RAD51B: variants seen among roughly 807,000 people sequenced by gnomAD.
The protein encoded by RAD51B is DNA repair protein RAD51 homolog 2.
In RAD51B, 38 loss-of-function variants were observed where a neutral mutation model predicts 42.2. That is an observed-to-expected ratio of 0.90 (90% confidence interval 0.70 to 1.18). The LOEUF is 1.18. RAD51B is among the 50% of genes most tolerant of loss of function. The pLI, the probability that RAD51B is intolerant of heterozygous loss-of-function variation, is 0.00. For missense variants in RAD51B, 373 were observed against 400.7 expected (o/e 0.93, Z 0.59); for synonymous variants, 154 against 145.2 (o/e 1.06, Z -0.43).
At chr14:68,572,315 C>T (rs1889748203) in intron 10 of RAD51B, among the ~76,000 whole-genome samples, 1 of 152,284 alleles carries the variant, frequency 6.6e-6, no homozygotes, top group East Asian at 1.9e-4. Flanking sequence ...GGCATGGGCC[C>T]TGCCCAGCTG....
Position 68,458,506 on chromosome 14 carries a change from C to T in RAD51B, c.958-9666C>T, listed in dbSNP as rs536457653. ...CTAGCTCTTTTCTAGGCAATACTTT[C>T]TTATACTTTGGGAACTTGATGTGTT... On this transcript the variant is annotated intron_variant, in intron 9 of 10. Coordinates refer to ENST00000471583, the MANE Select transcript of RAD51B (RefSeq NM_133510.4). Among the ~76,000 whole-genome samples the T allele has an allele frequency of 1.9e-3, 296 of 152,086 alleles. 2 individuals are homozygous for T. Among genetic ancestry groups the T allele is most frequent in the Middle Eastern group, 3.4e-3 (1 of 292 alleles).
At chr14:67,909,408 C>T (rs1470806818) in intron 7 of RAD51B, among the ~76,000 whole-genome samples, 1 of 152,114 alleles carries the variant, frequency 6.6e-6, no homozygotes, top group Non-Finnish European at 1.5e-5. Context: ...AAATTAGTAC[C>T]AGCCTTTTGG....
Position 68,176,079 on chromosome 14 carries a change from G to A in RAD51B, c.757-115805G>A, listed in dbSNP as rs1488942307. On this transcript the variant is annotated intron_variant, in intron 7 of 10. Transcript: ENST00000471583. ...AGGCAGGATCCTCCTGCTGAGCCTGGACTCCATTTGGATGCTGTGTTCGTT... is the reference window on the plus strand; with the variant it reads ...AGGCAGGATCCTCCTGCTGAGCCTGAACTCCATTTGGATGCTGTGTTCGTT... Among the ~76,000 whole-genome samples the A allele has an allele frequency of 3.9e-5, 6 of 152,310 alleles. No homozygotes were observed. In the South Asian group the frequency reaches 6.2e-4, roughly 16 times the overall value.
At chr14:68,528,471 G>A (rs1455921490) in intron 10 of RAD51B, among the ~76,000 whole-genome samples, 1 of 152,118 alleles carries the variant, frequency 6.6e-6, no homozygotes, top group Non-Finnish European at 1.5e-5. Context: ...AAATCATAAA[G>A]TATAAATAAA....
At chr14:67,942,454 A>G (rs2045242033) in intron 7 of RAD51B, among the ~76,000 whole-genome samples, 1 of 152,238 alleles carries the variant, frequency 6.6e-6, no homozygotes, top group Non-Finnish European at 1.5e-5. Context: ...AACCCTAAGG[A>G]TTGATACCAA....
intron 7 of RAD51B, among the ~76,000 whole-genome samples, chr14:68,102,850 A>G (rs561718231): frequency 1.3e-3 from 200 of 152,274 alleles, no homozygotes; most frequent in Admixed American, 2.1e-3. Flanking sequence ...CACACCCAAG[A>G]GTGGGTAATT....
intron 7 of RAD51B, among the ~76,000 whole-genome samples, chr14:68,008,090 A>G (rs1256190805): frequency 2.6e-5 from 4 of 151,926 alleles, no homozygotes; most frequent in Non-Finnish European, 1.5e-5. Context: ...ATAAAATTAT[A>G]TAGAATATGT....
At position 68,344,186 on chromosome 14, in the gene RAD51B, G is replaced by A. The variant is rs374468812; in HGVS notation, c.853+52206G>A. Among the ~76,000 whole-genome samples the A allele has an allele frequency of 3.0e-4, 45 of 152,290 alleles. No homozygotes were observed. The East Asian group carries it at 6.6e-3, about 22-fold the overall frequency. ...CACGTCCCAGAATGGTAGAGCCATG[G>A]GCAGCTTGTATCCTGAGCTTGGAAA... On this transcript the variant is annotated intron_variant, in intron 8 of 10. Coordinates refer to ENST00000471583, the MANE Select transcript of RAD51B (RefSeq NM_133510.4).
chr14:67,828,885 A>G (rs925953667), intron 3 of RAD51B, among the ~76,000 whole-genome samples: 5 of 152,134 alleles, frequency 3.3e-5, no homozygotes, highest in Admixed American at 2.0e-4. Flanking sequence ...TGGTTACTAG[A>G]GTCTTGTAGT....
At chr14:68,428,749 A>G (rs1301113461) in intron 9 of RAD51B, among the ~76,000 whole-genome samples, 1 of 48,678 alleles carries the variant, frequency 2.1e-5, no homozygotes, top group East Asian at 9.1e-4. Context: ...ATATATATAT[A>G]TATATATATA....
At chr14:67,898,048 A>G (rs2043482846) in intron 7 of RAD51B, among the ~76,000 whole-genome samples, 1 of 152,184 alleles carries the variant, frequency 6.6e-6, no homozygotes, top group African/African-American at 2.4e-5. Context: ...GGACTACCAT[A>G]TGATCCAGCA....
chr14:68,345,182 T>C (rs2082654001), intron 8 of RAD51B, among the ~76,000 whole-genome samples: 1 of 152,130 alleles, frequency 6.6e-6, no homozygotes, highest in South Asian at 2.1e-4. Flanking sequence ...CTTGGGACTT[T>C]TGATTGAGTT....
rs1354608332 is a variant in RAD51B, at chr14:67,893,499, CACACACACACAAA to C, written c.756+6297_756+6309del. On this transcript the variant is annotated intron_variant, in intron 7 of 10. Transcript: ENST00000471583. Reference sequence around the variant, plus strand: ...ACACACACACACACACACACACACACACACACACACAAAAAAAAACAATTAGCTGGGTGTGGTG... The same window carrying C: ...ACACACACACACACACACACACACACAAAAAACAATTAGCTGGGTGTGGTG... 1.9e-4 allele frequency among the ~76,000 whole-genome samples: 16 copies of C among 82,484 alleles called. 1 individual carries two copies. Among genetic ancestry groups the C allele is most frequent in the African/African-American group, 8.7e-4 (15 of 17,170 alleles). 54.1% of individuals were successfully genotyped at this position (82,484 alleles called of 152,430 possible). A position where few individuals can be genotyped will look rare whatever the true frequency, so the allele number is the denominator to read the frequency against.
chr14:68,048,673 A>G (rs1336080073), intron 7 of RAD51B, among the ~76,000 whole-genome samples: 1 of 152,228 alleles, frequency 6.6e-6, no homozygotes. Flanking sequence ...ATCTCACACC[A>G]GTTAGAATGG....
intron 7 of RAD51B, among the ~76,000 whole-genome samples, chr14:67,904,293 C>T (rs1049586709): frequency 2.0e-5 from 3 of 151,950 alleles, no homozygotes; most frequent in African/African-American, 7.3e-5. Flanking sequence ...CTAGGTTGAA[C>T]GATAGTTCTA....
rs192045417 is a variant in RAD51B at position 68,134,991 on chromosome 14, G to A, written c.757-156893G>A. On this transcript the variant is annotated intron_variant, in intron 7 of 10. Coordinates refer to ENST00000471583, the MANE Select transcript of RAD51B (RefSeq NM_133510.4). ...TTTTAAGGAATGAAGTATACATTTT[G>A]CATACTTTTTATTGATCTTAAGAAT... Among the ~76,000 whole-genome samples, 47 of 152,150 alleles carry A rather than the reference G, an allele frequency of 3.1e-4. No homozygotes were observed. The East Asian group carries it at 7.3e-3, about 24-fold the overall frequency.
At chr14:68,241,353 T>C (rs2080381491) in intron 7 of RAD51B, among the ~76,000 whole-genome samples, 2 of 152,150 alleles carry the variant, frequency 1.3e-5, no homozygotes, top group African/African-American at 2.4e-5. Flanking sequence ...CCATCCTGGC[T>C]AACATGGTGG....
chr14:67,980,146 C>T lies in RAD51B; in HGVS notation c.756+92942C>T, dbSNP rs1464417911. ...GCATCTTATGCCAAAAAAAAAATAT[C>T]GTAAAGAGGAAGAAGTGGCCAGGCA... On this transcript the variant is annotated intron_variant, in intron 7 of 10. Coordinates refer to ENST00000471583, the MANE Select transcript of RAD51B (RefSeq NM_133510.4). 4.0e-5 allele frequency among the ~76,000 whole-genome samples: 6 copies of T among 151,864 alleles called. No homozygotes were observed. The East Asian group carries it at 7.7e-4, about 20-fold the overall frequency.
At chr14:68,637,605 T>C (rs1449245326) in intron 10 of RAD51B, among the ~76,000 whole-genome samples, 1 of 152,196 alleles carries the variant, frequency 6.6e-6, no homozygotes, top group Admixed American at 6.5e-5. Flanking sequence ...GGCAGCAAGA[T>C]TATTTTGTCA....
Sources: gnomAD v4.1 joint callset for allele counts (sites outside exome capture counted in the v4.1 genomes callset) on GRCh38, gnomAD v4.1.1 for gene constraint, MANE v1.5 for transcripts, NCBI Gene and HGNC (gene_info 2026-07-23, HGNC 2026-07-21) for gene names.